CYB5R4: variants seen among roughly 807,000 people sequenced by gnomAD.
CYB5R4 encodes N-terminal cytochrome b5 and cytochrome b5 oxidoreductase domain-containing protein.
In CYB5R4, 55 loss-of-function variants were observed where a neutral mutation model predicts 70.2. The observed-to-expected ratio is 0.78, with a 90% CI of 0.63 to 0.98. CYB5R4 has a LOEUF of 0.98. Among genes scored for constraint, CYB5R4 ranks in the 50% least tolerant of loss-of-function variants. CYB5R4 has a pLI of 0.00. For synonymous variants in CYB5R4, 197 were observed against 199.5 expected, an observed-to-expected ratio of 0.99 and a Z score of 0.11; for missense variants, 562 against 612.6, an observed-to-expected ratio of 0.92 and a Z score of 0.87.
intron 2 of CYB5R4, among the ~76,000 whole-genome samples, chr6:83,875,862 T>A (rs898568546): frequency 1.3e-5 from 2 of 152,238 alleles, no homozygotes; most frequent in Non-Finnish European, 2.9e-5. Context: ...AGTCTGGGTC[T>A]GTTTAGTGGA....
chr6:83,873,521 A>G (rs1428587822), intron 2 of CYB5R4, among the ~76,000 whole-genome samples: 1 of 152,254 alleles, frequency 6.6e-6, no homozygotes, highest in Admixed American at 6.5e-5. Context: ...GATTACAGGC[A>G]TGAGCCACCT....
At chr6:83,879,338 C>T (rs1192149899) in intron 2 of CYB5R4, among the ~76,000 whole-genome samples, 1 of 152,026 alleles carries the variant, frequency 6.6e-6, no homozygotes, top group Admixed American at 6.6e-5. Flanking sequence ...GTATTCACAC[C>T]GAATCTGGGT....
In CYB5R4 at chr6:83,966,343, G is replaced by T. The variant is rs968964899; in HGVS notation, c.*6465G>T. ...GACTAAACTAGAAAGAACATAAGAGGAAATACATATTATATAAGAAGAAAA... is the reference window on the plus strand; with the variant it reads ...GACTAAACTAGAAAGAACATAAGAGTAAATACATATTATATAAGAAGAAAA... On this transcript the variant is annotated 3_prime_UTR_variant, in exon 16 of 16. Transcript: ENST00000369681. 1.3e-5 allele frequency: 2 copies of T among 151,788 alleles called. No individual in the cohort carries two copies. The highest frequency in any genetic ancestry group is 2.9e-5 in the Non-Finnish European group (2 of 67,946). 9.4% of individuals were successfully genotyped at this position (151,788 alleles called of 1,614,324 possible). A position where few individuals can be genotyped will look rare whatever the true frequency, so the allele number is the denominator to read the frequency against.
At chr6:83,928,354 G>A (rs975281334) in intron 10 of CYB5R4, among the ~76,000 whole-genome samples, 2 of 152,150 alleles carry the variant, frequency 1.3e-5, no homozygotes, top group African/African-American at 4.8e-5. Context: ...AAGGAAACAG[G>A]CCGACAAGGA....
rs2099469583 is a variant in CYB5R4, at chr6:83,940,555, A to G, written c.1300A>G (p.Ile434Val). 1.3e-6 allele frequency: 2 copies of G among 1,599,208 alleles called. No individual in the cohort carries two copies. Among genetic ancestry groups the G allele is most frequent in the Non-Finnish European group, 8.5e-7 (1 of 1,175,858 alleles). ...LMFFNKTEDD[I>V]IWRSQLEKLA... is the part of the protein sequence containing the mutation. ...GTTCTTCAATAAAACAGAAGATGAT[A>G]TAATTTGGAGAAGCCAATTGGAGAA... Residue 434 changes from isoleucine (I) to valine (V), a missense_variant, in exon 14 of 16, where the codon ATA (isoleucine) becomes GTA (valine). Ile to Val is a conservative substitution (Grantham distance 29). Transcript: ENST00000369681.
chr6:83,893,614 T>C lies in CYB5R4; in HGVS notation c.322T>C (p.Phe108Leu). Residue 108 changes from phenylalanine (F) to leucine (L), a missense_variant, in exon 3 of 16, where the codon TTT becomes CTT. Phe to Leu is a conservative substitution (Grantham distance 22, BLOSUM62 0). Transcript: ENST00000369681. ...AGCAGGATCAGATGGTACTGAACTT[T>C]TTGATCAGGTAAGATGTGCTGAAAG... ...RAAGSDGTEL[F>L]DQVHRWVNYE... is the part of the protein sequence containing the mutation. 1 of 1,603,388 alleles carries C rather than the reference T, an allele frequency of 6.2e-7. No individual in the cohort carries two copies. The highest frequency in any genetic ancestry group is 8.5e-7 in the Non-Finnish European group (1 of 1,171,212).
intron 9 of CYB5R4, 147 bp downstream of exon 9, chr6:83,922,617 CTCTTTTTTTTTTAAACTTTTAAGT>C (rs2099466570): frequency 3.3e-6 from 2 of 598,388 alleles, no homozygotes; most frequent in Admixed American, 6.7e-5. Context: ...GTGATGTTTT[CTCTTTTTTTTTTAAACTTTTAAGT>C]TCTGGGATAC....
intron 14 of CYB5R4, among the ~76,000 whole-genome samples, chr6:83,950,985 A>G (rs988647113): frequency 3.3e-5 from 5 of 152,178 alleles, no homozygotes; most frequent in African/African-American, 9.6e-5. Flanking sequence ...AACATTTATT[A>G]TCACAACTAG....
intron 14 of CYB5R4, among the ~76,000 whole-genome samples, chr6:83,949,574 A>C (rs919071022): frequency 6.6e-6 from 1 of 152,176 alleles, no homozygotes; most frequent in African/African-American, 2.4e-5. Context: ...TTTGTAGTTA[A>C]GAGAAATACC....
intron 3 of CYB5R4, among the ~76,000 whole-genome samples, chr6:83,899,662 A>G (rs2129135583): frequency 6.6e-6 from 1 of 152,282 alleles, no homozygotes; most frequent in Middle Eastern, 3.4e-3. Context: ...TGGACTATTC[A>G]GGGATTCAAC....
At chr6:83,907,448 T>G (rs1417818565) in intron 3 of CYB5R4, among the ~76,000 whole-genome samples, 1 of 151,736 alleles carries the variant, frequency 6.6e-6, no homozygotes, top group African/African-American at 2.4e-5. Flanking sequence ...CTAGCAGTTC[T>G]TATAAATGGC....
intron 2 of CYB5R4, among the ~76,000 whole-genome samples, chr6:83,870,743 G>A (rs1044811783): frequency 6.6e-6 from 1 of 151,720 alleles, no homozygotes; most frequent in East Asian, 1.9e-4. Context: ...TCTTGTTTAG[G>A]TTAGATTAAA....
intron 7 of CYB5R4, among the ~76,000 whole-genome samples, chr6:83,920,598 C>T (rs2099466215): frequency 6.6e-6 from 1 of 151,856 alleles, no homozygotes; most frequent in African/African-American, 2.4e-5. Context: ...AAGTTAGAGA[C>T]ATCTAAAAAT....
At position 83,900,527 on chromosome 6, in the gene CYB5R4, A is replaced by G. The variant is rs559173159; in HGVS notation, c.330+6905A>G. 1.1e-3 allele frequency among the ~76,000 whole-genome samples: 166 copies of G among 151,828 alleles called. 1 individual carries two copies. Among genetic ancestry groups the G allele is most frequent in the African/African-American group, 3.8e-3 (158 of 41,464 alleles). On this transcript the variant is annotated intron_variant, in intron 3 of 15. Transcript: ENST00000369681. ...GTTCAATTCCTGGATTTCTTTGTTAACTTTCTGTCTCATTGATCTGTCTAA... is the reference window on the plus strand; with the variant it reads ...GTTCAATTCCTGGATTTCTTTGTTAGCTTTCTGTCTCATTGATCTGTCTAA...
At chr6:83,947,733 A>T (rs1234081193) in intron 14 of CYB5R4, among the ~76,000 whole-genome samples, 1 of 152,240 alleles carries the variant, frequency 6.6e-6, no homozygotes, top group Non-Finnish European at 1.5e-5. Flanking sequence ...TGGGCAAAGG[A>T]TATCAACAGA....
intron 2 of CYB5R4, among the ~76,000 whole-genome samples, chr6:83,869,172 A>G (rs971286543): frequency 2.0e-5 from 3 of 152,194 alleles, no homozygotes; most frequent in African/African-American, 7.2e-5. Context: ...TTTCATAACT[A>G]TTTTTTAAAA....
At chr6:83,917,782 G>A (rs906517085) in intron 5 of CYB5R4, among the ~76,000 whole-genome samples, 21 of 152,072 alleles carry the variant, frequency 1.4e-4, no homozygotes, top group Admixed American at 1.3e-4. Flanking sequence ...AGGCAGGGGT[G>A]GTGATTGAAA....
intron 3 of CYB5R4, among the ~76,000 whole-genome samples, chr6:83,904,262 AT>A (rs529840973): frequency 1.3e-5 from 2 of 152,012 alleles, no homozygotes; most frequent in African/African-American, 4.8e-5. Flanking sequence ...GTTTCAAGAA[AT>A]TTTTTTATTT....
At chr6:83,880,126 A>G (rs1212853645) in intron 2 of CYB5R4, among the ~76,000 whole-genome samples, 7 of 152,178 alleles carry the variant, frequency 4.6e-5, no homozygotes, top group African/African-American at 1.7e-4. Flanking sequence ...ATTGACACGT[A>G]ATTGTACATA....
Sources: allele counts gnomAD v4.1 joint callset (sites outside exome capture counted in the v4.1 genomes callset), GRCh38; gene constraint gnomAD v4.1.1; transcripts MANE v1.5; gene names NCBI Gene and HGNC (gene_info 2026-07-23, HGNC 2026-07-21).